Variants in NIBAN1 observed in about 807,000 individuals in gnomAD.
NIBAN1 encodes the protein niban apoptosis regulator 1.
Under a neutral mutation model 75.1 loss-of-function variants are expected in NIBAN1, and 81 were observed. The ratio of observed to expected loss-of-function variants is 1.08; its 90% CI spans 0.90 to 1.30. The LOEUF (loss-of-function observed/expected upper bound fraction) is 1.30, where lower values mean the gene tolerates loss of function less well. NIBAN1 is among the 50% of genes most tolerant of loss of function. The probability of loss-of-function intolerance (pLI) is 0.00; values close to 1 mark genes in which losing one functional copy is unlikely to be tolerated. For missense variants in NIBAN1, 1,133 were observed against 1,128.1 expected, an observed-to-expected ratio of 1.00 and a Z score of -0.06; for synonymous variants, 436 against 424.8, an observed-to-expected ratio of 1.03 and a Z score of -0.32.
At chr1:184,837,361 G>A (rs1232354951) in intron 5 of NIBAN1, among the ~76,000 whole-genome samples, 2 of 152,216 alleles carry the variant, frequency 1.3e-5, no homozygotes, top group Non-Finnish European at 2.9e-5. Flanking sequence ...GGGAGACAGA[G>A]TGCTGGGGAG....
chr1:184,817,415 A>T (rs1208092752), intron 9 of NIBAN1, among the ~76,000 whole-genome samples: 1 of 152,180 alleles, frequency 6.6e-6, no homozygotes, highest in Non-Finnish European at 1.5e-5. Context: ...GTCAAATGGT[A>T]TTTCTAGTTC....
At chr1:184,869,465 T>C (rs1459129343) in intron 5 of NIBAN1, among the ~76,000 whole-genome samples, 2 of 152,106 alleles carry the variant, frequency 1.3e-5, no homozygotes, top group African/African-American at 2.4e-5. Flanking sequence ...GTCCTCTCAC[T>C]AAAATATTAT....
chr1:184,911,141 T>A (rs1346859077), intron 1 of NIBAN1, among the ~76,000 whole-genome samples: 1 of 152,116 alleles, frequency 6.6e-6, no homozygotes, highest in Non-Finnish European at 1.5e-5. Flanking sequence ...CAAATAAAGA[T>A]GTAATCAACT....
At chr1:184,918,390 A>G (rs1657447710) in intron 1 of NIBAN1, among the ~76,000 whole-genome samples, 3 of 152,104 alleles carry the variant, frequency 2.0e-5, no homozygotes, top group South Asian at 2.1e-4. Context: ...GAAAACACAT[A>G]ACTGATCAGG....
rs147801128 is a variant in NIBAN1 at position 184,959,499 on chromosome 1, G to A, written c.55+14803C>T. Among the ~76,000 whole-genome samples, 120 of 152,130 alleles carry A rather than the reference G, an allele frequency of 7.9e-4. 1 individual carries two copies. The highest frequency in any genetic ancestry group is 2.6e-3 in the African/African-American group (107 of 41,502). On this transcript the variant is annotated intron_variant, in intron 1 of 13. Transcript: ENST00000367511. Reference sequence around the variant, plus strand: ...TATAATTCCTGAGTCTATTTCTATTGATTTATTTTCTTTATACTTGTGGAT... The same window carrying A: ...TATAATTCCTGAGTCTATTTCTATTAATTTATTTTCTTTATACTTGTGGAT...
rs147707802 is a variant in NIBAN1 at position 184,832,620 on chromosome 1, G to T, written c.602-658C>A. ...GATCATATAGCTAGTGAGTGGCACA[G>T]CCCAGGTGTGAAATGTAGTCTGACC... On this transcript the variant is annotated intron_variant, in intron 5 of 13. Transcript: ENST00000367511. Among the ~76,000 whole-genome samples the T allele has an allele frequency of 2.1e-3, 324 of 152,282 alleles. 1 individual carries two copies. Among genetic ancestry groups the T allele is most frequent in the Non-Finnish European group, 3.8e-3 (261 of 68,020 alleles).
At chr1:184,810,255 TC>T (rs913536760) in intron 9 of NIBAN1, among the ~76,000 whole-genome samples, 3 of 152,208 alleles carry the variant, frequency 2.0e-5, no homozygotes, top group African/African-American at 7.2e-5. Flanking sequence ...CCAATTTATA[TC>T]TTTTTCAGTG....
chr1:184,819,685 T>C (rs1208429554), intron 8 of NIBAN1, among the ~76,000 whole-genome samples: 1 of 152,128 alleles, frequency 6.6e-6, no homozygotes, highest in Non-Finnish European at 1.5e-5. Flanking sequence ...AGGCTAGCCT[T>C]GTGGATTGAG....
rs760447286 is a variant in NIBAN1, at chr1:184,823,725, C to T, written c.735G>A (p.Val245=). The T allele has an allele frequency of 1.2e-6, 2 of 1,614,004 alleles. No individual in the cohort carries two copies. The highest frequency in any genetic ancestry group is 2.7e-5 in the African/African-American group (2 of 74,934). The change falls in exon 7 of 14, where the codon GTG becomes GTA. Residue 245 remains valine, a synonymous_variant. Transcript: ENST00000367511. ...GAAGAGTGGGCAGGAGCTCCTCCAT[C>T]ACCAGGTTACTCAGGATCTGCGCAG... The part of the protein sequence containing the change: ...GDEIQILSNL[V]MEELLPTLQT...
At chr1:184,844,064 A>G (rs1223929479) in intron 5 of NIBAN1, among the ~76,000 whole-genome samples, 1 of 152,202 alleles carries the variant, frequency 6.6e-6, no homozygotes, top group Non-Finnish European at 1.5e-5. Context: ...CTTGTCCTTC[A>G]TTTTTGATGA....
chr1:184,834,374 A>G (rs630030), intron 5 of NIBAN1, among the ~76,000 whole-genome samples: 87,184 of 152,032 alleles, frequency 0.57, 25,436 homozygotes, highest in African/African-American at 0.66. Flanking sequence ...GTATATACCC[A>G]GTAATGGGAT....
intron 11 of NIBAN1, among the ~76,000 whole-genome samples, 153 bp from the exon 12 acceptor site, chr1:184,803,845 TC>T: frequency 6.6e-6 from 1 of 152,198 alleles, no homozygotes; most frequent in East Asian, 1.9e-4. Flanking sequence ...TCCATGTAAT[TC>T]CCTCACACTG....
At chr1:184,937,228 T>G (rs900664946) in intron 1 of NIBAN1, among the ~76,000 whole-genome samples, 9 of 137,752 alleles carry the variant, frequency 6.5e-5, no homozygotes, top group Non-Finnish European at 9.2e-5. Context: ...ATAGATGCAA[T>G]CACAGTGTAC....
Position 184,801,190 on chromosome 1 carries a change from G to T in NIBAN1, c.1554+2395C>A, listed in dbSNP as rs542112165. ...CCTGGAAGGACAGTATTTACAGCAG[G>T]TGATCAGAAGCACCACCTCAGACAA... On this transcript the variant is annotated intron_variant, in intron 12 of 13. Transcript: ENST00000367511. Among the ~76,000 whole-genome samples, 5 of 152,268 alleles carry T rather than the reference G, an allele frequency of 3.3e-5. No individual in the cohort carries two copies. In the South Asian group the frequency reaches 1.0e-3, roughly 32 times the overall value.
intron 1 of NIBAN1, among the ~76,000 whole-genome samples, chr1:184,920,382 T>G (rs1657498657): frequency 6.6e-6 from 1 of 152,210 alleles, no homozygotes; most frequent in African/African-American, 2.4e-5. Context: ...TATCATTTCT[T>G]TGTGTTGGGA....
chr1:184,836,371 G>C (rs1349289952), intron 5 of NIBAN1, among the ~76,000 whole-genome samples: 1 of 152,180 alleles, frequency 6.6e-6, no homozygotes, highest in Non-Finnish European at 1.5e-5. Context: ...GCAAGCCAGG[G>C]AATGAAGTTT....
Position 184,818,739 on chromosome 1 carries a change from C to G in NIBAN1, c.1072G>C (p.Val358Leu), listed in dbSNP as rs1327543128. The part of the protein sequence containing the change: ...ASILEELMGP[V>L]SSGFSEVRVL... ...CGTACTTCACTGAATCCCGAGCTCA[C>G]TGGTCCCATGAGCTCCTCCAGGATG... The change falls in exon 9 of 14, where the codon GTG (valine) becomes CTG (leucine). Residue 358 changes from valine to leucine, a missense_variant. Transcript: ENST00000367511. The G allele has an allele frequency of 6.2e-7, 1 of 1,613,514 alleles. No homozygotes were observed. The highest frequency in any genetic ancestry group is 1.7e-5 in the Admixed American group (1 of 60,002).
intron 1 of NIBAN1, among the ~76,000 whole-genome samples, chr1:184,909,103 G>A (rs1024006510): frequency 5.3e-5 from 8 of 152,068 alleles, no homozygotes; most frequent in Admixed American, 3.9e-4. Context: ...TTTATCAGGG[G>A]CTCTCAGATT....
rs35704242 is a variant in NIBAN1, at chr1:184,795,690, C to T, written c.2074G>A (p.Asp692Asn). The change falls in exon 14 of 14, where the codon GAT becomes AAT. Residue 692 changes from aspartate (D) to asparagine (N), a missense_variant. Coordinates refer to ENST00000367511, the MANE Select transcript of NIBAN1 (RefSeq NM_052966.4). ...SELEFGGTLE[D>N]EEPAQEEPEP... ...GGCTCTTCCTGGGCGGGTTCTTCAT[C>T]CTCAAGGGTCCCTCCAAACTCCAGC... 0.063 allele frequency: 102,107 copies of T among 1,613,984 alleles called. 3,578 individuals are homozygous for T. The highest frequency in any genetic ancestry group is 0.069 in the Non-Finnish European group (81,603 of 1,179,940).
Sources: allele counts gnomAD v4.1 joint callset (sites outside exome capture counted in the v4.1 genomes callset), GRCh38; gene constraint gnomAD v4.1.1; transcripts MANE v1.5; gene names NCBI Gene and HGNC (gene_info 2026-07-23, HGNC 2026-07-21).